The following CSTPP1 variants were observed in gnomAD, a reference collection of about 807,000 sequenced individuals.
CSTPP1 encodes UPF0705 protein C11orf49.
chr11:47,121,378 C>G, the CSTPP1 span, among the ~76,000 whole-genome samples: 1 of 152,086 alleles, frequency 6.6e-6, no homozygotes, highest in Non-Finnish European at 1.5e-5. Context: ...TTCTTGCCTA[C>G]TTGGAGACTT....
At chr11:47,162,255 G>C in the CSTPP1 span, 3 of 985,386 alleles carry the variant, frequency 3.0e-6, no homozygotes, top group African/African-American at 5.2e-5. Context: ...TAACTGGTGA[G>C]TCTAAAGCTC....
the CSTPP1 span, among the ~76,000 whole-genome samples, chr11:46,976,986 C>A: frequency 6.6e-6 from 1 of 152,214 alleles, no homozygotes; most frequent in African/African-American, 2.4e-5. Flanking sequence ...AAGGACTGGT[C>A]CTCAGCAAGT....
At chr11:47,060,214 G>A in the CSTPP1 span, among the ~76,000 whole-genome samples, 2 of 148,912 alleles carry the variant, frequency 1.3e-5, no homozygotes, top group South Asian at 2.1e-4. Flanking sequence ...TCCAACCTAC[G>A]TCTTCACAAA....
the CSTPP1 span, chr11:47,161,822 A>T: frequency 7.1e-7 from 1 of 1,399,808 alleles, no homozygotes; most frequent in Non-Finnish European, 9.3e-7. Context: ...CCGGAAGGTG[A>T]ATGGCCTGCT....
At chr11:46,987,549 T>C in the CSTPP1 span, 1 of 437,398 alleles carries the variant, frequency 2.3e-6, no homozygotes, top group South Asian at 4.4e-5. Context: ...ACTGCTTGTT[T>C]GATCTATTAG....
the CSTPP1 span, among the ~76,000 whole-genome samples, chr11:47,072,463 C>G: frequency 6.6e-6 from 1 of 152,126 alleles, no homozygotes; most frequent in Non-Finnish European, 1.5e-5. Flanking sequence ...AAACAAGAGG[C>G]CATCCAATTG....
the CSTPP1 span, among the ~76,000 whole-genome samples, chr11:47,003,157 A>G: frequency 6.6e-6 from 1 of 152,226 alleles, no homozygotes; most frequent in Non-Finnish European, 1.5e-5. Context: ...CAAGAAGAAT[A>G]AGAAGTTTAA....
the CSTPP1 span, among the ~76,000 whole-genome samples, chr11:47,153,216 C>T: frequency 1.3e-5 from 2 of 152,142 alleles, no homozygotes; most frequent in Admixed American, 6.5e-5. Flanking sequence ...ATGGGGTAAC[C>T]ACTTGGCCTT....
the CSTPP1 span, among the ~76,000 whole-genome samples, chr11:47,147,088 C>T: frequency 6.6e-6 from 1 of 152,072 alleles, no homozygotes; most frequent in Non-Finnish European, 1.5e-5. Flanking sequence ...GCACAGGTGG[C>T]TGAAATGGTA....
At chr11:46,950,598 A>G in the CSTPP1 span, among the ~76,000 whole-genome samples, 1 of 151,798 alleles carries the variant, frequency 6.6e-6, no homozygotes, top group Non-Finnish European at 1.5e-5. Context: ...CTTAAGTAGA[A>G]ACTGTTTTCT....
At chr11:47,072,969 A>G in the CSTPP1 span, among the ~76,000 whole-genome samples, 21 of 152,166 alleles carry the variant, frequency 1.4e-4, no homozygotes, top group African/African-American at 4.8e-4. Context: ...AAAATTATGT[A>G]TCTTTATGTC....
At chr11:47,104,353 C>G in the CSTPP1 span, among the ~76,000 whole-genome samples, 1 of 152,194 alleles carries the variant, frequency 6.6e-6, no homozygotes, top group Admixed American at 6.5e-5. Flanking sequence ...CTCAGTTCCC[C>G]GCCCTTCAGC....
chr11:47,134,619 C>T, the CSTPP1 span, among the ~76,000 whole-genome samples: 1 of 151,990 alleles, frequency 6.6e-6, no homozygotes, highest in Non-Finnish European at 1.5e-5. Flanking sequence ...GCCAAAGGGC[C>T]CAAAATAGAC....
chr11:46,943,290 G>C, the CSTPP1 span, among the ~76,000 whole-genome samples: 6 of 152,114 alleles, frequency 3.9e-5, no homozygotes, highest in East Asian at 9.6e-4. Context: ...TCTCCATTCG[G>C]CAGATGAGGA....
the CSTPP1 span, among the ~76,000 whole-genome samples, chr11:47,046,660 C>CTT: frequency 0.035 from 2,813 of 79,726 alleles, 320 homozygotes; most frequent in Non-Finnish European, 0.039. Flanking sequence ...ATCTTCTTTT[C>CTT]TTTTTTTTTT....
At chr11:47,143,182 T>C in the CSTPP1 span, among the ~76,000 whole-genome samples, 1 of 152,230 alleles carries the variant, frequency 6.6e-6, no homozygotes, top group Non-Finnish European at 1.5e-5. Flanking sequence ...AGAAAAATTG[T>C]ATGTATCCCA....
chr11:47,155,467 C>A, the CSTPP1 span: 1 of 605,376 alleles, frequency 1.7e-6, no homozygotes, highest in Non-Finnish European at 3.0e-6. Context: ...TCCTCAGCCT[C>A]CTGAAGACAC....
chr11:46,998,737 GT>G, the CSTPP1 span, among the ~76,000 whole-genome samples: 1 of 149,776 alleles, frequency 6.7e-6, no homozygotes, highest in South Asian at 2.1e-4. Context: ...TTTTTGTTTT[GT>G]TTTTTTTTGT....
the CSTPP1 span, among the ~76,000 whole-genome samples, chr11:47,030,110 G>A: frequency 6.6e-6 from 1 of 151,996 alleles, no homozygotes; most frequent in Admixed American, 6.6e-5. Flanking sequence ...CTTGGTAACA[G>A]AATAAGACCC....
Sources: allele counts gnomAD v4.1 joint callset (sites outside exome capture counted in the v4.1 genomes callset), GRCh38; gene constraint gnomAD v4.1.1; transcripts MANE v1.5; gene names NCBI Gene and HGNC (gene_info 2026-07-23, HGNC 2026-07-21).